CPVL: variants seen among roughly 807,000 people sequenced by gnomAD.
CPVL encodes carboxypeptidase vitellogenic like.
CPVL carries 51 observed loss-of-function variants against 63.7 expected under a neutral mutation model. The observed-to-expected ratio is 0.80, with a 90% confidence interval of 0.64 to 1.01. CPVL has a LOEUF of 1.01. CPVL is among the 50% of genes least tolerant of loss of function. The pLI, the probability that CPVL is intolerant of heterozygous loss-of-function variation, is 0.00. For missense variants in CPVL, 530 were observed against 573.1 expected (o/e 0.92, Z 0.77); for synonymous variants, 195 against 206.0 (o/e 0.95, Z 0.46).
At chr7:29,189,803 T>C (rs1192911354) in intron 1 of CPVL, among the ~76,000 whole-genome samples, 1 of 151,600 alleles carries the variant, frequency 6.6e-6, no homozygotes, top group African/African-American at 2.4e-5. Flanking sequence ...AGTGGCCAAA[T>C]AGGATACTCC....
intron 12 of CPVL, among the ~76,000 whole-genome samples, chr7:29,004,181 T>G (rs1189782104): frequency 6.6e-6 from 1 of 152,194 alleles, no homozygotes; most frequent in Non-Finnish European, 1.5e-5. Flanking sequence ...GCAGTATGAC[T>G]TCCAAATAAT....
chr7:29,033,638 A>G (rs915032978), intron 11 of CPVL, among the ~76,000 whole-genome samples: 2 of 152,194 alleles, frequency 1.3e-5, no homozygotes, highest in African/African-American at 4.8e-5. Context: ...AAGGGAGGAG[A>G]CAGAGATGAA....
At chr7:29,031,534 G>A (rs1788021672) in intron 11 of CPVL, among the ~76,000 whole-genome samples, 1 of 152,028 alleles carries the variant, frequency 6.6e-6, no homozygotes. Flanking sequence ...TAGAACTAAT[G>A]GGGACAGTAT....
Position 29,030,738 on chromosome 7 carries a change from G to A in CPVL, c.1159C>T (p.Leu387=). The change falls in exon 12 of 13, where the codon CTG becomes TTG. Residue 387 remains leucine, a synonymous_variant. Coordinates refer to ENST00000265394, the MANE Select transcript of CPVL (RefSeq NM_031311.5). ...NYKVLIYNGQ[L]DIIVAAALTE... is the part of the protein sequence containing the mutation. ...AGGGCAGCTGCCACGATGATGTCCA[G>A]TTGGCCATTGTAGATCAGAACCTGA... The A allele has an allele frequency of 6.2e-7, 1 of 1,610,056 alleles. No homozygotes were observed.
chr7:29,016,941 T>C (rs573210400), intron 12 of CPVL, among the ~76,000 whole-genome samples: 1 of 152,376 alleles, frequency 6.6e-6, no homozygotes, highest in South Asian at 2.1e-4. Flanking sequence ...TATGACTTCC[T>C]ATTTCTAGAG....
intron 9 of CPVL, among the ~76,000 whole-genome samples, chr7:29,066,981 A>G (rs951876778): frequency 3.3e-5 from 5 of 152,214 alleles, no homozygotes; most frequent in African/African-American, 9.6e-5. Context: ...ACAGGTAATT[A>G]GAGAAATGGA....
intron 7 of CPVL, among the ~76,000 whole-genome samples, chr7:29,075,188 T>C (rs1486855707): frequency 6.6e-6 from 1 of 152,112 alleles, no homozygotes; most frequent in East Asian, 1.9e-4. Context: ...ATGACAAACG[T>C]AGGCTGAAAC....
intron 3 of CPVL, among the ~76,000 whole-genome samples, chr7:29,107,013 G>C (rs1787782236): frequency 1.3e-5 from 2 of 152,208 alleles, no homozygotes; most frequent in South Asian, 4.1e-4. Context: ...ACTGGTACTA[G>C]ATGAACCTCT....
intron 12 of CPVL, among the ~76,000 whole-genome samples, chr7:29,002,470 T>A (rs562566614): frequency 1.8e-3 from 274 of 152,304 alleles, no homozygotes; most frequent in African/African-American, 6.4e-3. Context: ...TTTCTTCATA[T>A]ATTTTTTGTA....
intron 12 of CPVL, among the ~76,000 whole-genome samples, chr7:29,005,011 C>G (rs578252228): frequency 6.6e-6 from 1 of 151,572 alleles, no homozygotes; most frequent in South Asian, 2.1e-4. Context: ...ATTCTTGTGC[C>G]TCAGCCTCCC....
intron 1 of CPVL, among the ~76,000 whole-genome samples, chr7:29,121,389 C>T (rs1789356835): frequency 6.6e-6 from 1 of 151,996 alleles, no homozygotes; most frequent in South Asian, 2.1e-4. Flanking sequence ...TTGCCTTGAC[C>T]TCCTGAGCTC....
intron 5 of CPVL, among the ~76,000 whole-genome samples, chr7:29,167,083 G>T (rs1796018102): frequency 6.6e-6 from 1 of 152,052 alleles, no homozygotes; most frequent in African/African-American, 2.4e-5. Context: ...TTGACGAAAA[G>T]AATATTATCA....
At chr7:29,020,483 GTAATAA>G (rs1038109747) in intron 12 of CPVL, among the ~76,000 whole-genome samples, 2 of 151,852 alleles carry the variant, frequency 1.3e-5, no homozygotes, top group Non-Finnish European at 2.9e-5. Flanking sequence ...GCAATCCAGG[GTAATAA>G]TAATAAAAAT....
intron 5 of CPVL, among the ~76,000 whole-genome samples, chr7:29,175,118 C>A (rs934241954): frequency 6.6e-6 from 1 of 151,842 alleles, no homozygotes; most frequent in Non-Finnish European, 1.5e-5. Context: ...GTGCTTCCCC[C>A]ATACTGTTCT....
chr7:29,091,313 C>G (rs113063938), intron 6 of CPVL, among the ~76,000 whole-genome samples: 6,100 of 152,060 alleles, frequency 0.04, 159 homozygotes, highest in East Asian at 0.13. Flanking sequence ...TTAGAGGGGG[C>G]CCGATGCATC....
chr7:29,021,182 T>G (rs1275306334), intron 12 of CPVL, among the ~76,000 whole-genome samples: 1 of 151,952 alleles, frequency 6.6e-6, no homozygotes, highest in Non-Finnish European at 1.5e-5. Flanking sequence ...AAGATGATGT[T>G]ATAAAGCAAC....
intron 1 of CPVL, among the ~76,000 whole-genome samples, chr7:29,142,707 G>C (rs1348147801): frequency 6.6e-6 from 1 of 151,814 alleles, no homozygotes; most frequent in Non-Finnish European, 1.5e-5. Context: ...TGTATTTTTA[G>C]TAGACACAGG....
intron 7 of CPVL, among the ~76,000 whole-genome samples, chr7:29,082,694 T>C (rs1467767571): frequency 2.0e-5 from 3 of 152,194 alleles, no homozygotes; most frequent in African/African-American, 4.8e-5. Context: ...CTTAAAAGTA[T>C]TCATCCTGGC....
intron 11 of CPVL, among the ~76,000 whole-genome samples, chr7:29,040,851 A>G (rs1285562570): frequency 6.6e-6 from 1 of 152,158 alleles, no homozygotes; most frequent in Non-Finnish European, 1.5e-5. Flanking sequence ...TGCTGCTTTT[A>G]GTGGGGAACA....
Sources: gnomAD v4.1 joint callset for allele counts (sites outside exome capture counted in the v4.1 genomes callset) on GRCh38, gnomAD v4.1.1 for gene constraint, MANE v1.5 for transcripts, NCBI Gene and HGNC (gene_info 2026-07-23, HGNC 2026-07-21) for gene names.